Variants in ADGRL3 observed in about 807,000 individuals in gnomAD.
ADGRL3 encodes calcium-independent alpha-latrotoxin receptor 3.
Under a neutral mutation model 153.5 loss-of-function variants are expected in ADGRL3, and 62 were observed. The ratio of observed to expected loss-of-function variants is 0.40; its 90% CI spans 0.33 to 0.50. ADGRL3 has a LOEUF of 0.50. ADGRL3 is among the 20% of genes least tolerant of loss of function. The pLI, the probability that ADGRL3 is intolerant of heterozygous loss-of-function variation, is 0.47. For synonymous variants in ADGRL3, 710 were observed against 672.5 expected (o/e 1.06, Z -0.86); for missense variants, 1,641 against 1,859.4 (o/e 0.88, Z 2.16).
At chr4:61,558,642 T>C (rs757547049) in intron 4 of ADGRL3, among the ~76,000 whole-genome samples, 2 of 151,898 alleles carry the variant, frequency 1.3e-5, no homozygotes, top group Non-Finnish European at 2.9e-5. Context: ...TGTCTGTCTG[T>C]CTGCCTGCCT....
At chr4:61,615,058 TAGAA>T (rs1390472466) in intron 5 of ADGRL3, among the ~76,000 whole-genome samples, 1 of 152,092 alleles carries the variant, frequency 6.6e-6, no homozygotes, top group Non-Finnish European at 1.5e-5. Context: ...TCTCAGAATA[TAGAA>T]AGACTTTTAA....
chr4:61,860,147 G>A (rs1266475398), intron 9 of ADGRL3, among the ~76,000 whole-genome samples: 2 of 152,040 alleles, frequency 1.3e-5, no homozygotes, highest in Non-Finnish European at 2.9e-5. Context: ...TGGTTGGCTG[G>A]GCATTGGTAA....
intron 1 of ADGRL3, among the ~76,000 whole-genome samples, chr4:61,332,609 G>T (rs1251963038): frequency 6.6e-6 from 1 of 152,048 alleles, no homozygotes; most frequent in Non-Finnish European, 1.5e-5. Context: ...GTTTTCTCGT[G>T]ATTTATCTTT....
At chr4:61,358,914 C>A (rs62314365) in intron 1 of ADGRL3, among the ~76,000 whole-genome samples, 27,229 of 152,072 alleles carry the variant, frequency 0.18, 2,635 homozygotes, top group African/African-American at 0.25. Flanking sequence ...TAGCTACTTT[C>A]TCAAACATCT....
chr4:61,622,774 A>G (rs973610678), intron 5 of ADGRL3, among the ~76,000 whole-genome samples: 4 of 152,102 alleles, frequency 2.6e-5, no homozygotes, highest in African/African-American at 7.2e-5. Flanking sequence ...TTTTCTCAAA[A>G]TCACATAGCT....
intron 4 of ADGRL3, among the ~76,000 whole-genome samples, chr4:61,577,168 ATGTG>A (rs199928191): frequency 8.8e-6 from 1 of 113,894 alleles, no homozygotes; most frequent in Non-Finnish European, 1.9e-5. Flanking sequence ...GTGTGTGTGT[ATGTG>A]TGTGTGTGTG....
intron 1 of ADGRL3, among the ~76,000 whole-genome samples, chr4:61,305,802 G>A (rs1056963664): frequency 3.3e-5 from 5 of 152,092 alleles, no homozygotes; most frequent in Non-Finnish European, 5.9e-5. Flanking sequence ...CCAGGAAACC[G>A]TAGATATAAG....
chr4:61,846,600 G>A (rs977628321), intron 9 of ADGRL3, among the ~76,000 whole-genome samples: 4 of 151,964 alleles, frequency 2.6e-5, no homozygotes, highest in Admixed American at 6.6e-5. Context: ...TGTTCATGTA[G>A]CATTTAATTT....
At chr4:61,743,978 C>G (rs2096618018) in intron 8 of ADGRL3, among the ~76,000 whole-genome samples, 1 of 152,152 alleles carries the variant, frequency 6.6e-6, no homozygotes, top group African/African-American at 2.4e-5. Flanking sequence ...GGGTTACAGA[C>G]AGCACCTGGA....
intron 9 of ADGRL3, among the ~76,000 whole-genome samples, chr4:61,891,607 G>A (rs1295957036): frequency 1.3e-5 from 2 of 152,144 alleles, no homozygotes; most frequent in Non-Finnish European, 2.9e-5. Context: ...CGGAGATGAT[G>A]ATATTTTAAG....
chr4:61,521,364 T>G (rs1415612134), intron 4 of ADGRL3, among the ~76,000 whole-genome samples: 2 of 152,162 alleles, frequency 1.3e-5, no homozygotes, highest in Non-Finnish European at 2.9e-5. Flanking sequence ...ATCAGTCTAG[T>G]AATGATCTGG....
intron 5 of ADGRL3, among the ~76,000 whole-genome samples, chr4:61,610,556 A>C (rs2149675301): frequency 6.6e-6 from 1 of 152,316 alleles, no homozygotes; most frequent in South Asian, 2.1e-4. Flanking sequence ...CCGTAGTCTA[A>C]GAATTTTTTC....
chr4:61,969,749 A>G lies in ADGRL3; in HGVS notation c.2806-9814A>G, dbSNP rs1300939972. Among the ~76,000 whole-genome samples, 3 of 152,168 alleles carry G rather than the reference A, an allele frequency of 2.0e-5. No individual in the cohort carries two copies. In the East Asian group the frequency reaches 5.8e-4, roughly 29 times the overall value. ...TCTAGAGTAATGCAACAGTGGATGA[A>G]CTGGTGTTAGGATCACAGATCTTGA... On this transcript the variant is annotated intron_variant, in intron 17 of 26. Transcript: ENST00000683033.
At chr4:61,869,574 T>TCC (rs1561388955) in intron 9 of ADGRL3, among the ~76,000 whole-genome samples, 1 of 151,336 alleles carries the variant, frequency 6.6e-6, no homozygotes, top group Non-Finnish European at 1.5e-5. Flanking sequence ...GTCCGCAGTC[T>TCC]GGCCTGGGCG....
intron 2 of ADGRL3, among the ~76,000 whole-genome samples, chr4:61,391,809 T>G (rs968093773): frequency 6.6e-6 from 1 of 151,814 alleles, no homozygotes; most frequent in Admixed American, 6.6e-5. Flanking sequence ...CTGCTTTTAT[T>G]GCTGTTTAGA....
chr4:61,939,976 T>A (rs1408933902), intron 15 of ADGRL3, among the ~76,000 whole-genome samples: 2 of 150,386 alleles, frequency 1.3e-5, no homozygotes, highest in Admixed American at 6.7e-5. Flanking sequence ...CATGTGCACA[T>A]TGTGCAGGTT....
intron 1 of ADGRL3, among the ~76,000 whole-genome samples, chr4:61,369,962 G>C (rs1049788960): frequency 3.9e-5 from 6 of 152,028 alleles, no homozygotes; most frequent in African/African-American, 9.7e-5. Flanking sequence ...TCTTGGGAGA[G>C]TGTATGTGTC....
chr4:61,736,223 A>G (rs2096510219), intron 8 of ADGRL3, among the ~76,000 whole-genome samples: 1 of 152,070 alleles, frequency 6.6e-6, no homozygotes, highest in Non-Finnish European at 1.5e-5. Context: ...GGGTAAGAGA[A>G]TGAATCATTG....
At chr4:61,435,668 C>T (rs1411938214) in intron 2 of ADGRL3, among the ~76,000 whole-genome samples, 1 of 152,050 alleles carries the variant, frequency 6.6e-6, no homozygotes, top group African/African-American at 2.4e-5. Flanking sequence ...TTACCTTTCA[C>T]GGGGACAATT....
Sources: gnomAD v4.1 joint callset for allele counts (sites outside exome capture counted in the v4.1 genomes callset) on GRCh38, gnomAD v4.1.1 for gene constraint, MANE v1.5 for transcripts, NCBI Gene and HGNC (gene_info 2026-07-23, HGNC 2026-07-21) for gene names.